The following PDE10A variants were observed in gnomAD, a reference collection of about 807,000 sequenced individuals.
PDE10A encodes the protein phosphodiesterase 10A.
A neutral mutation model predicts 97.7 loss-of-function variants in PDE10A; 39 were observed. That is an observed-to-expected ratio of 0.40 (90% CI 0.31 to 0.52). The LOEUF (loss-of-function observed/expected upper bound fraction) is 0.52, where lower values mean the gene tolerates loss of function less well. Among genes scored for constraint, PDE10A ranks in the 20% least tolerant of loss-of-function variants. The pLI, the probability that PDE10A is intolerant of heterozygous loss-of-function variation, is 0.56. For missense variants in PDE10A, 731 were observed against 1,047.8 expected, an observed-to-expected ratio of 0.70 and a Z score of 4.17; for synonymous variants, 371 against 376.8, an observed-to-expected ratio of 0.98 and a Z score of 0.18.
rs1554332689 is a variant in PDE10A at position 165,855,310 on chromosome 6, G to GC, written c.-615+132218_-615+132219insG. On this transcript the variant is annotated intron_variant, in intron 1 of 19. Transcript: ENST00000366882. Reference sequence around the variant, plus strand: ...ATAGGCGGCGCGGGAAGTGGCGGGGGGGGGGGGGGACTCAGGGGCGCTGCC... The same window carrying GC: ...ATAGGCGGCGCGGGAAGTGGCGGGGGCGGGGGGGGGACTCAGGGGCGCTGCC... Among the ~76,000 whole-genome samples, 88 of 149,544 alleles carry GC rather than the reference G, an allele frequency of 5.9e-4. 2 individuals carry two copies. The highest frequency in any genetic ancestry group is 1.9e-3 in the African/African-American group (77 of 40,280).
intron 1 of PDE10A, among the ~76,000 whole-genome samples, chr6:165,825,041 C>T (rs1032831464): frequency 1.1e-4 from 16 of 146,402 alleles, no homozygotes; most frequent in East Asian, 2.0e-4. Context: ...CTCAGCTACT[C>T]GGGAGGCTGA....
intron 11 of PDE10A, among the ~76,000 whole-genome samples, chr6:165,417,858 T>C (rs1481258339): frequency 6.6e-6 from 1 of 152,166 alleles, no homozygotes; most frequent in East Asian, 1.9e-4. Flanking sequence ...GACACAGTGT[T>C]TTGCCAGAAT....
At chr6:165,595,522 T>A (rs1786534722) in intron 1 of PDE10A, among the ~76,000 whole-genome samples, 1 of 152,214 alleles carries the variant, frequency 6.6e-6, no homozygotes, top group African/African-American at 2.4e-5. Flanking sequence ...TATCAGGGCC[T>A]CAAATGAAAA....
chr6:165,500,901 G>C (rs1029064007), intron 2 of PDE10A, among the ~76,000 whole-genome samples: 1 of 152,156 alleles, frequency 6.6e-6, no homozygotes, highest in Non-Finnish European at 1.5e-5. Flanking sequence ...ACGGCACCCA[G>C]ATGTTTGGAT....
At position 165,943,361 on chromosome 6, in the gene PDE10A, A is replaced by AAAGAAAGAAAGG. The variant is rs1167502272; in HGVS notation, c.-615+44167_-615+44168insCCTTTCTTTCTT. Among the ~76,000 whole-genome samples, 136 of 89,946 alleles carry AAAGAAAGAAAGG rather than the reference A, an allele frequency of 1.5e-3. 12 individuals carry two copies. Among genetic ancestry groups the AAAGAAAGAAAGG allele is most frequent in the African/African-American group, 4.9e-3 (119 of 24,316 alleles). The allele number at this position is 89,946 out of a possible 152,430, so 59.0% of individuals were successfully genotyped here. A position where few individuals can be genotyped will look rare whatever the true frequency, so the allele number is the denominator to read the frequency against. ...AGAAAGAAAAGAGAAAGAAAGAAAG[A>AAAGAAAGAAAGG]GAAAGAAAGAAAACGAACGAACTGA... is the stretch of plus-strand genomic sequence containing the variant. On this transcript the variant is annotated intron_variant, in intron 1 of 19. Transcript: ENST00000366882.
intron 1 of PDE10A, among the ~76,000 whole-genome samples, chr6:165,550,459 C>T (rs1481155594): frequency 6.6e-6 from 1 of 152,112 alleles, no homozygotes; most frequent in Non-Finnish European, 1.5e-5. Context: ...CCATTTCATG[C>T]TATTAATTAC....
intron 3 of PDE10A, among the ~76,000 whole-genome samples, chr6:165,458,828 A>C (rs750214341): frequency 3.9e-5 from 6 of 152,200 alleles, no homozygotes; most frequent in Non-Finnish European, 8.8e-5. Flanking sequence ...CCATGATCAG[A>C]AAATTTAACG....
intron 18 of PDE10A, among the ~76,000 whole-genome samples, chr6:165,350,140 G>C (rs1308976270): frequency 6.6e-6 from 1 of 152,302 alleles, no homozygotes; most frequent in East Asian, 1.9e-4. Flanking sequence ...CTTGCATCGT[G>C]CACCTGGAAA....
At position 165,629,887 on chromosome 6, in the gene PDE10A, T is replaced by A. The variant is rs34402831; in HGVS notation, c.865+32060A>T. ...TGAGTTATGAATTTTTGTTTTTTTTTAATTAAAGAACAGTAGAGAATTTTA... is the reference window on the plus strand; with the variant it reads ...TGAGTTATGAATTTTTGTTTTTTTTAAATTAAAGAACAGTAGAGAATTTTA... On this transcript the variant is annotated intron_variant, in intron 1 of 21. Transcript: ENST00000539869. 2.7e-3 allele frequency among the ~76,000 whole-genome samples: 414 copies of A among 152,070 alleles called. 3 individuals are homozygous for A. The highest frequency in any genetic ancestry group is 0.024 in the Middle Eastern group (7 of 294).
At chr6:165,916,310 G>A (rs573750029) in intron 1 of PDE10A, among the ~76,000 whole-genome samples, 5 of 152,256 alleles carry the variant, frequency 3.3e-5, no homozygotes, top group South Asian at 2.1e-4. Flanking sequence ...GATTCCACAC[G>A]TTCTTCTCTG....
At position 165,871,376 on chromosome 6, in the gene PDE10A, G is replaced by C. The variant is rs115730531; in HGVS notation, c.-615+116153C>G. 8.9e-3 allele frequency among the ~76,000 whole-genome samples: 1,361 copies of C among 152,260 alleles called. 20 individuals are homozygous for C. Among genetic ancestry groups the C allele is most frequent in the African/African-American group, 0.032 (1,310 of 41,546 alleles). ...AAGCAAGAAAAGCTACAGATGTTTT[G>C]GACATGAAGGGATGAAGTGGTGGGG... On this transcript the variant is annotated intron_variant, in intron 1 of 19. Transcript: ENST00000366882.
chr6:165,451,604 T>G (rs1791295979), intron 3 of PDE10A, among the ~76,000 whole-genome samples: 1 of 152,248 alleles, frequency 6.6e-6, no homozygotes, highest in Non-Finnish European at 1.5e-5. Context: ...TTCTGCTTCT[T>G]GATCATTCAG....
intron 1 of PDE10A, chr6:165,774,730 T>C (rs567155113): frequency 1.3e-3 from 192 of 150,032 alleles, no homozygotes; most frequent in African/African-American, 4.5e-3. Flanking sequence ...GCTACCAAGA[T>C]TATTTTCTTT....
chr6:165,921,438 A>G (rs1782750019), intron 1 of PDE10A, among the ~76,000 whole-genome samples: 1 of 152,228 alleles, frequency 6.6e-6, no homozygotes, highest in African/African-American at 2.4e-5. Flanking sequence ...GCTGAGAGTA[A>G]AGCCAGATAA....
chr6:165,542,319 A>G (rs1783487878), intron 2 of PDE10A, among the ~76,000 whole-genome samples: 2 of 152,290 alleles, frequency 1.3e-5, no homozygotes, highest in South Asian at 4.1e-4. Flanking sequence ...AAACAATCCA[A>G]TATATTAATA....
chr6:165,608,052 G>GTATATATATGTA (rs1298920989), intron 1 of PDE10A, among the ~76,000 whole-genome samples: 4 of 146,986 alleles, frequency 2.7e-5, no homozygotes, highest in Non-Finnish European at 6.0e-5. Context: ...TGCTTTTCTT[G>GTATATATATGTA]TATATATATG....
chr6:165,598,890 C>G (rs899870964), intron 1 of PDE10A, among the ~76,000 whole-genome samples: 23 of 152,088 alleles, frequency 1.5e-4, no homozygotes, highest in Admixed American at 1.4e-3. Flanking sequence ...GATGAGGGGA[C>G]GGGGTCAGGA....
At chr6:165,561,285 G>A (rs761399395) in intron 1 of PDE10A, among the ~76,000 whole-genome samples, 2 of 151,480 alleles carry the variant, frequency 1.3e-5, no homozygotes, top group African/African-American at 2.4e-5. Flanking sequence ...GTGAAGACAC[G>A]TTTGCTTCCC....
intron 1 of PDE10A, among the ~76,000 whole-genome samples, chr6:165,951,853 T>C (rs1306492873): frequency 2.0e-5 from 3 of 152,236 alleles, no homozygotes; most frequent in Non-Finnish European, 2.9e-5. Context: ...AACAAGCTTT[T>C]ACTGGGGCCC....
Sources: gnomAD v4.1 joint callset for allele counts (sites outside exome capture counted in the v4.1 genomes callset) on GRCh38, gnomAD v4.1.1 for gene constraint, MANE v1.5 for transcripts, NCBI Gene and HGNC (gene_info 2026-07-23, HGNC 2026-07-21) for gene names.